The following AMOTL2 variants were observed in gnomAD, a reference collection of about 807,000 sequenced individuals.
The protein encoded by AMOTL2 is angiomotin-like protein 2.
A neutral mutation model predicts 78.4 loss-of-function variants in AMOTL2; 33 were observed. The ratio of observed to expected loss-of-function variants is 0.42; its 90% CI spans 0.32 to 0.56. AMOTL2 has a LOEUF of 0.56. Among genes scored for constraint, AMOTL2 ranks in the 20% least tolerant of loss-of-function variants. AMOTL2 has a pLI of 0.12. For missense variants in AMOTL2, 983 were observed against 1,030.1 expected, an observed-to-expected ratio of 0.95 and a Z score of 0.63; for synonymous variants, 422 against 428.8, an observed-to-expected ratio of 0.98 and a Z score of 0.20.
In AMOTL2 at chr3:134,356,680, A is replaced by G. The variant is rs4974498; in HGVS notation, c.*1025T>C. 0.73 allele frequency: 111,798 copies of G among 152,474 alleles called. 42,088 individuals carry two copies. The highest frequency in any genetic ancestry group is 0.92 in the East Asian group (4,773 of 5,184). 9.4% of individuals were successfully genotyped at this position (152,474 alleles called of 1,614,324 possible). A position where few individuals can be genotyped will look rare whatever the true frequency, so the allele number is the denominator to read the frequency against. On this transcript the variant is annotated 3_prime_UTR_variant, in exon 10 of 10. Transcript: ENST00000249883. ...AACAAGACATCTCCAGTTTCTCAGA[A>G]AGAACTGGTACCGGGTAGGGCCACC...
rs1359386105 is a variant in AMOTL2, at chr3:134,360,309, C to T, written c.1680G>A (p.Leu560=). The part of the protein sequence containing the change: ...EQLREKEEQI[L]ALEADMTKWE... ...ACTTGGTCATGTCGGCCTCCAGCGC[C>T]AGGATCTGCTCCTCCTTCTCTCGCA... is the stretch of plus-strand genomic sequence containing the variant. The change falls in exon 7 of 10, where the codon CTG becomes CTA. Residue 560 remains leucine (L), a synonymous_variant. Coordinates refer to ENST00000249883, the MANE Select transcript of AMOTL2 (RefSeq NM_016201.4). The T allele has an allele frequency of 1.9e-6, 3 of 1,614,136 alleles. No homozygotes were observed. The East Asian group carries it at 6.7e-5, about 36-fold the overall frequency.
intron 6 of AMOTL2, 79 bp from the exon 7 acceptor site, chr3:134,360,492 C>A (rs1333559112): frequency 1.4e-5 from 17 of 1,229,644 alleles, no homozygotes; most frequent in Non-Finnish European, 2.0e-5. Context: ...CTCCACACGA[C>A]TGTCACTTGT....
chr3:134,359,362 C>T lies in AMOTL2; in HGVS notation c.2025G>A (p.Ala675=), dbSNP rs778650330. Residue 675 remains alanine (A), a synonymous_variant, in exon 8 of 10, where the codon GCG becomes GCA. Transcript: ENST00000249883. ...CTTGCCAGCCCTGGGTTCCTGCTGC[C>T]GCAGCCGCGAAAACAGATGGCACCG... The part of the protein sequence containing the change: ...AKSVPSVFAA[A]AAGTQGWQGL... The T allele has an allele frequency of 4.0e-5, 64 of 1,614,078 alleles. No individual in the cohort carries two copies. In the South Asian group the frequency reaches 4.1e-4, roughly 10 times the overall value.
chr3:134,359,620 G>A, intron 7 of AMOTL2, 117 bp from the exon 8 acceptor site: 1 of 819,438 alleles, frequency 1.2e-6, no homozygotes, highest in Non-Finnish European at 1.9e-6. Flanking sequence ...ACCCTGCCAG[G>A]CTGGATCCTT....
At chr3:134,365,746 T>C (rs1576581371) in intron 5 of AMOTL2, 71 bp downstream of exon 5, 24 of 1,408,030 alleles carry the variant, frequency 1.7e-5, no homozygotes, top group Non-Finnish European at 2.2e-5. Context: ...CCAATCTTCC[T>C]AGTCCAGAGG....
chr3:134,373,198 C>T (rs1394389481), intron 1 of AMOTL2, among the ~76,000 whole-genome samples: 1 of 152,098 alleles, frequency 6.6e-6, no homozygotes, highest in Non-Finnish European at 1.5e-5. Flanking sequence ...TCCAGAGCTA[C>T]CCGAGGCAAA....
chr3:134,361,743 G>A lies in AMOTL2; in HGVS notation c.1344C>T (p.Ile448=), dbSNP rs773497116. ...GCTCGGCACGCCGCCGCTGGTCCTCGATGGCGCCGCGCAGCAGTGCCATCT... is the reference window on the plus strand; with the variant it reads ...GCTCGGCACGCCGCCGCTGGTCCTCAATGGCGCCGCGCAGCAGTGCCATCT... ...EREMALLRGA[I]EDQRRRAELL... The change falls in exon 6 of 10, where the codon ATC becomes ATT. Residue 448 remains isoleucine, a synonymous_variant. Transcript: ENST00000249883. The A allele has an allele frequency of 1.0e-5, 16 of 1,601,854 alleles. No homozygotes were observed. Among genetic ancestry groups the A allele is most frequent in the Non-Finnish European group, 1.4e-5 (16 of 1,174,094 alleles).
At chr3:134,374,099 C>A (rs2017991994) in intron 1 of AMOTL2, 2 of 483,358 alleles carry the variant, frequency 4.1e-6, no homozygotes, top group African/African-American at 2.1e-5. Flanking sequence ...CCCTCTCCCC[C>A]AGCCCCAAGA....
rs1235046594 is a variant in AMOTL2, at chr3:134,373,168, G to A, written c.-62+1174C>T. On this transcript the variant is annotated intron_variant, in intron 1 of 9. Coordinates refer to ENST00000249883, the MANE Select transcript of AMOTL2 (RefSeq NM_016201.4). The stretch of plus-strand genomic sequence containing the variant: ...CAGTCATGCGCCCCCCACACACAAC[G>A]AGGGGTAGATGTGCAAGACTCCAGA... Among the ~76,000 whole-genome samples, 4 of 152,016 alleles carry A rather than the reference G, an allele frequency of 2.6e-5. No individual in the cohort carries two copies. In the South Asian group the frequency reaches 6.2e-4, roughly 24 times the overall value.
At position 134,358,625 on chromosome 3, in the gene AMOTL2, G is replaced by A. The variant is rs2017189316; in HGVS notation, c.2199C>T (p.Gly733=). ...GGCAGGTGGAGGTGCTGTCTGGGGG[G>A]CCCTCAGTCTGGGTGCTCCCATCTC... ...GSRDGSTQTE[G]PPDSTSTCLP... The change falls in exon 9 of 10, where the codon GGC becomes GGT. Residue 733 remains glycine (G), a synonymous_variant. Coordinates refer to ENST00000249883, the MANE Select transcript of AMOTL2 (RefSeq NM_016201.4). The A allele has an allele frequency of 2.5e-6, 4 of 1,613,792 alleles. No homozygotes were observed. Among genetic ancestry groups the A allele is most frequent in the African/African-American group, 1.3e-5 (1 of 74,932 alleles).
At chr3:134,373,525 A>T in intron 1 of AMOTL2, 1 of 985,528 alleles carries the variant, frequency 1.0e-6, no homozygotes. Context: ...CCTCTGCTGC[A>T]CTCGCCCGCT....
At chr3:134,370,567 C>T in intron 2 of AMOTL2, 133 bp downstream of exon 2, 1 of 1,195,122 alleles carries the variant, frequency 8.4e-7, no homozygotes. Flanking sequence ...GGCATTAGCT[C>T]TCCCTTCTCA....
chr3:134,364,215 GGCGGGCCGGGA>G, intron 5 of AMOTL2, among the ~76,000 whole-genome samples: 1 of 152,194 alleles, frequency 6.6e-6, no homozygotes, highest in South Asian at 2.1e-4. Flanking sequence ...AGCGGCGGGG[GGCGGGCCGGGA>G]GCGGAACAGC....
intron 2 of AMOTL2, 82 bp from the exon 3 acceptor site, chr3:134,367,885 C>A: frequency 2.6e-6 from 3 of 1,163,624 alleles, no homozygotes; most frequent in Non-Finnish European, 2.5e-6. Flanking sequence ...CACCCCACTC[C>A]TAGGCATACT....
chr3:134,371,161 G>A lies in AMOTL2; in HGVS notation c.273C>T (p.Leu91=). The A allele has an allele frequency of 7.4e-6, 12 of 1,613,994 alleles. No homozygotes were observed. Among genetic ancestry groups the A allele is most frequent in the Non-Finnish European group, 1.0e-5 (12 of 1,179,978 alleles). The change falls in exon 2 of 10, where the codon CTC becomes CTT. Residue 91 remains leucine (L), a synonymous_variant. Coordinates refer to ENST00000249883, the MANE Select transcript of AMOTL2 (RefSeq NM_016201.4). The part of the protein sequence containing the change: ...GGENHLAENT[L]YRLCPQPSKG... ...TGCTGGGCTGTGGGCATAGCCGGTA[G>A]AGGGTGTTCTCTGCCAGGTGGTTCT...
upstream of AMOTL2, chr3:134,375,262 A>G: frequency 6.5e-7 from 1 of 1,535,230 alleles, no homozygotes; most frequent in African/African-American, 1.4e-5. Context: ...CTTTACGCAG[A>G]GTGCAAGGTG....
Position 134,373,788 on chromosome 3 carries a change from G to A in AMOTL2, c.-62+554C>T, listed in dbSNP as rs911919107. On this transcript the variant is annotated intron_variant, in intron 1 of 9. Transcript: ENST00000249883. ...TCGCGGGTCCGCCTCCCTCCCTCTC[G>A]AGCCCTCTTTGTTTTCCAAATACTC... 19 of 985,314 alleles carry A rather than the reference G, an allele frequency of 1.9e-5. No homozygotes were observed. The African/African-American group carries it at 3.3e-4, about 17-fold the overall frequency. The allele number at this position is 985,314 out of a possible 1,614,324, so 61.0% of individuals were successfully genotyped here.
At position 134,360,281 on chromosome 3, in the gene AMOTL2, C is replaced by A. The variant is rs2017297888; in HGVS notation, c.1708G>T (p.Glu570Ter). The A allele has an allele frequency of 1.2e-6, 2 of 1,614,134 alleles. No homozygotes were observed. Among genetic ancestry groups the A allele is most frequent in the Non-Finnish European group, 8.5e-7 (1 of 1,180,052 alleles). ...GCACGTTCCTCCAAATACTTCTGCT[C>A]CCACTTGGTCATGTCGGCCTCCAGC... ...LALEADMTKWEQKYLEERAMR... is the reference protein window; with the variant it reads ...LALEADMTKW Residue 570 changes from glutamate to a stop codon, truncating the protein, a stop_gained, in exon 7 of 10, where the codon GAG becomes TAG. Transcript: ENST00000249883. LOFTEE classifies it high-confidence loss of function.
intron 2 of AMOTL2, among the ~76,000 whole-genome samples, chr3:134,369,002 T>C (rs528057698): frequency 6.6e-6 from 1 of 152,250 alleles, no homozygotes; most frequent in South Asian, 2.1e-4. Context: ...TCTGGGTGCA[T>C]CATCTCAGCA....
Sources: allele counts gnomAD v4.1 joint callset (sites outside exome capture counted in the v4.1 genomes callset), GRCh38; gene constraint gnomAD v4.1.1; transcripts MANE v1.5; gene names NCBI Gene and HGNC (gene_info 2026-07-23, HGNC 2026-07-21).